NUP188: variants seen among roughly 807,000 people sequenced by gnomAD.
NUP188 encodes the protein nucleoporin NUP188.
In NUP188, 97 loss-of-function variants were observed where a neutral mutation model predicts 223.0. The observed-to-expected ratio is 0.43, with a 90% CI of 0.37 to 0.51. The LOEUF (loss-of-function observed/expected upper bound fraction) is 0.51. Ranked by LOEUF, NUP188 falls within the 20% of genes least tolerant of loss-of-function variation. The pLI, the probability that NUP188 is intolerant of heterozygous loss-of-function variation, is 0.00. For missense variants in NUP188, 1,947 were observed against 2,175.6 expected (o/e 0.89, Z 2.09); for synonymous variants, 869 against 828.0 (o/e 1.05, Z -0.85).
In NUP188 at chr9:128,994,782, T is replaced by C. The variant is rs1228112274; in HGVS notation, c.3088-74T>C. 3.2e-6 allele frequency: 4 copies of C among 1,243,638 alleles called. No homozygotes were observed. The African/African-American group carries it at 6.0e-5, about 19-fold the overall frequency. The allele number at this position is 1,243,638 out of a possible 1,614,324, so 77.0% of individuals were successfully genotyped here. ...TTCTGCAAGTGTTGGGCCCCTGCTC[T>C]GTTCCCTGTTTGATATACTGGGGGA... On this transcript the variant is annotated intron_variant, in intron 28 of 43. Coordinates refer to ENST00000372577, the MANE Select transcript of NUP188 (RefSeq NM_015354.3).
At chr9:128,976,598 G>C (rs1377137902) in intron 12 of NUP188, among the ~76,000 whole-genome samples, 2 of 151,964 alleles carry the variant, frequency 1.3e-5, no homozygotes, top group Non-Finnish European at 2.9e-5. Context: ...TTGAACCCGG[G>C]GGGCGGAGGT....
In NUP188 at chr9:129,002,738, GGCTGCCTTAGTT is replaced by G. The variant is rs1842693933; in HGVS notation, c.4138-74_4138-63del. The G allele has an allele frequency of 2.7e-6, 4 of 1,457,028 alleles. No individual in the cohort carries two copies. The Admixed American group carries it at 8.2e-5, about 30-fold the overall frequency. The allele number at this position is 1,457,028 out of a possible 1,614,324, so 90.3% of individuals were successfully genotyped here. A position where few individuals can be genotyped will look rare whatever the true frequency, so the allele number is the denominator to read the frequency against. ...AGATCTTTTCCTTTCAGCGCAGCTG[GGCTGCCTTAGTT>G]GCTGTACTACAAGGAGGTCCTGCCT... On this transcript the variant is annotated intron_variant, in intron 36 of 43. Coordinates refer to ENST00000372577, the MANE Select transcript of NUP188 (RefSeq NM_015354.3).
Position 128,990,236 on chromosome 9 carries a change from T to C in NUP188, c.2640+10T>C, listed in dbSNP as rs373569104. The C allele has an allele frequency of 8.4e-4, 1,344 of 1,596,100 alleles. 20 individuals are homozygous for C. The highest frequency in any genetic ancestry group is 1.7e-4 in the Non-Finnish European group (195 of 1,163,644). Reference sequence around the variant, plus strand: ...GAAACGTCTGGCCACGGTAGGATCGTACTTCATGCACACACACTGTTTATA... The same window carrying C: ...GAAACGTCTGGCCACGGTAGGATCGCACTTCATGCACACACACTGTTTATA... On this transcript the variant is annotated intron_variant, in intron 25 of 43. Transcript: ENST00000372577.
intron 28 of NUP188, 77 bp from the exon 29 acceptor site, chr9:128,994,779 C>T (rs1842491062): frequency 1.6e-6 from 2 of 1,218,582 alleles, no homozygotes; most frequent in Admixed American, 1.7e-5. Context: ...TGGGCCCCTG[C>T]TCTGTTCCCT....
At chr9:128,967,048 C>T (rs1842039670) in intron 8 of NUP188, among the ~76,000 whole-genome samples, 1 of 152,084 alleles carries the variant, frequency 6.6e-6, no homozygotes, top group Non-Finnish European at 1.5e-5. Context: ...CACTGTGTCA[C>T]CCAGGCTGGG....
chr9:128,991,615 G>T (rs1207107881), intron 25 of NUP188, among the ~76,000 whole-genome samples: 1 of 151,876 alleles, frequency 6.6e-6, no homozygotes, highest in Non-Finnish European at 1.5e-5. Flanking sequence ...GCCCAGGTGG[G>T]TGGCTTGCCT....
At position 128,991,511 on chromosome 9, in the gene NUP188, C is replaced by T. The variant is rs1006165485; in HGVS notation, c.2640+1285C>T. ...TCACATCACTGCACTCCAGCCTGGG[C>T]GACAGAGTGAGACACCGCCTCAAAA... On this transcript the variant is annotated intron_variant, in intron 25 of 43. Coordinates refer to ENST00000372577, the MANE Select transcript of NUP188 (RefSeq NM_015354.3). Among the ~76,000 whole-genome samples the T allele has an allele frequency of 6.0e-5, 9 of 150,786 alleles. No homozygotes were observed. The East Asian group carries it at 1.4e-3, about 23-fold the overall frequency.
chr9:128,985,537 C>T (rs1842321356), intron 20 of NUP188, among the ~76,000 whole-genome samples: 1 of 152,116 alleles, frequency 6.6e-6, no homozygotes, highest in African/African-American at 2.4e-5. Flanking sequence ...TAAATAATGA[C>T]ATAGAGCATA....
chr9:128,993,032 C>A (rs17485576), intron 25 of NUP188, 165 bp from the exon 26 acceptor site: 13 of 610,440 alleles, frequency 2.1e-5, no homozygotes, highest in Middle Eastern at 4.4e-4. Flanking sequence ...AATTTGCGGG[C>A]ATCTCATGCT....
intron 8 of NUP188, among the ~76,000 whole-genome samples, chr9:128,962,576 C>T (rs929621556): frequency 6.6e-6 from 1 of 152,018 alleles, no homozygotes; most frequent in African/African-American, 2.4e-5. Flanking sequence ...TAAAAACTTA[C>T]ACCGGGATGG....
chr9:128,980,950 C>T (rs1477765292), intron 14 of NUP188, among the ~76,000 whole-genome samples: 4 of 152,084 alleles, frequency 2.6e-5, no homozygotes, highest in African/African-American at 9.6e-5. Context: ...GTATAAAGTT[C>T]CTTAATATCT....
At chr9:128,952,441 G>A (rs968917139) in intron 2 of NUP188, among the ~76,000 whole-genome samples, 19 of 150,604 alleles carry the variant, frequency 1.3e-4, no homozygotes, top group Non-Finnish European at 2.2e-4. Flanking sequence ...CTGCATTTGC[G>A]GTCGGGTGCC....
Position 129,006,292 on chromosome 9 carries a change from C to A in NUP188, c.4997C>A (p.Ala1666Glu). 1 of 1,614,172 alleles carries A rather than the reference C, an allele frequency of 6.2e-7. No individual in the cohort carries two copies. The highest frequency in any genetic ancestry group is 8.5e-7 in the Non-Finnish European group (1 of 1,180,040). The change falls in exon 43 of 44, where the codon GCG (alanine) becomes GAG (glutamate). Residue 1666 changes from alanine (A) to glutamate (E), a missense_variant. Physicochemically the swap from Ala to Glu is moderately radical, Grantham distance 107. Coordinates refer to ENST00000372577, the MANE Select transcript of NUP188 (RefSeq NM_015354.3). Reference sequence around the variant, plus strand: ...TGCTTCTACCTGCTCATCTCTCAGGCGATGCGGTACCTTAGGGACCCGGCT... The same window carrying A: ...TGCTTCTACCTGCTCATCTCTCAGGAGATGCGGTACCTTAGGGACCCGGCT... ...ENCFYLLISQ[A>E]MRYLRDPAVH... is the part of the protein sequence containing the mutation.
rs59177952 is a variant in NUP188, at chr9:128,952,496, G to T, written c.88-277G>T. Among the ~76,000 whole-genome samples the T allele has an allele frequency of 5.8e-3, 876 of 152,256 alleles. 8 individuals carry two copies. The highest frequency in any genetic ancestry group is 0.02 in the African/African-American group (832 of 41,540). On this transcript the variant is annotated intron_variant, in intron 2 of 43. Coordinates refer to ENST00000372577, the MANE Select transcript of NUP188 (RefSeq NM_015354.3). The stretch of plus-strand genomic sequence containing the variant: ...CCAGCACTTTGGGAGGCCAAGGCAG[G>T]CAGATCACTTGAGGTGGGGAGTTCG...
chr9:128,969,081 C>T (rs1011564241), intron 9 of NUP188, among the ~76,000 whole-genome samples: 14 of 152,122 alleles, frequency 9.2e-5, no homozygotes, highest in African/African-American at 3.1e-4. Flanking sequence ...CTTTAAATTT[C>T]TTGTTTTTTC....
intron 8 of NUP188, among the ~76,000 whole-genome samples, chr9:128,966,317 C>G (rs1842030513): frequency 6.6e-6 from 1 of 151,414 alleles, no homozygotes; most frequent in Non-Finnish European, 1.5e-5. Context: ...AGAAGTCTCA[C>G]TGTCACGCAG....
At chr9:128,959,648 C>G (rs1205985807) in intron 8 of NUP188, among the ~76,000 whole-genome samples, 1 of 150,300 alleles carries the variant, frequency 6.7e-6, no homozygotes, top group Non-Finnish European at 1.5e-5. Context: ...TTCTACTGCC[C>G]CAGCCTCCCA....
rs747512000 is a variant in NUP188, at chr9:128,990,264, A to T, written c.2640+38A>T. 8 of 1,514,528 alleles carry T rather than the reference A, an allele frequency of 5.3e-6. No homozygotes were observed. In the African/African-American group the frequency reaches 1.1e-4, roughly 21 times the overall value. 93.8% of individuals were successfully genotyped at this position (1,514,528 alleles called of 1,614,324 possible). On this transcript the variant is annotated intron_variant, in intron 25 of 43. Transcript: ENST00000372577. ...TTCATGCACACACACTGTTTATATG[A>T]GGGTGTTTTTTTCCCCCTGATTACA...
intron 24 of NUP188, 86 bp downstream of exon 24, chr9:128,988,272 T>C (rs60830647): frequency 6.9e-7 from 1 of 1,449,034 alleles, no homozygotes; most frequent in Non-Finnish European, 9.5e-7. Flanking sequence ...AGGCAGTGTT[T>C]TTGGATGTCA....
Sources: gnomAD v4.1 joint callset for allele counts (sites outside exome capture counted in the v4.1 genomes callset) on GRCh38, gnomAD v4.1.1 for gene constraint, MANE v1.5 for transcripts, NCBI Gene and HGNC (gene_info 2026-07-23, HGNC 2026-07-21) for gene names.